The following GRIP1 variants were observed in gnomAD, a reference collection of about 807,000 sequenced individuals.
The protein encoded by GRIP1 is glutamate receptor interacting protein 1.
A neutral mutation model predicts 129.9 loss-of-function variants in GRIP1; 45 were observed. That is an observed-to-expected ratio of 0.35 (90% CI 0.27 to 0.44). The LOEUF (loss-of-function observed/expected upper bound fraction) is 0.44. Among genes scored for constraint, GRIP1 ranks in the 20% least tolerant of loss-of-function variants. The pLI, the probability that GRIP1 is intolerant of heterozygous loss-of-function variation, is 1.00. For missense variants in GRIP1, 1,196 were observed against 1,396.8 expected, an observed-to-expected ratio of 0.86 and a Z score of 2.29; for synonymous variants, 530 against 520.8, an observed-to-expected ratio of 1.02 and a Z score of -0.24.
At chr12:66,599,870 G>C (rs1175948296) in intron 1 of GRIP1, among the ~76,000 whole-genome samples, 1 of 152,162 alleles carries the variant, frequency 6.6e-6, no homozygotes. Flanking sequence ...ATTGAGTCTA[G>C]ATGAAATTTC....
chr12:66,649,280 T>G (rs2032611851), intron 1 of GRIP1, among the ~76,000 whole-genome samples: 1 of 152,220 alleles, frequency 6.6e-6, no homozygotes, highest in South Asian at 2.1e-4. Flanking sequence ...GGCAACCCAC[T>G]TCCTGAAGAA....
chr12:66,473,135 G>C (rs1033876374), intron 7 of GRIP1, among the ~76,000 whole-genome samples: 2 of 152,136 alleles, frequency 1.3e-5, no homozygotes, highest in African/African-American at 2.4e-5. Flanking sequence ...CTGAAGTTTG[G>C]TGGGGGGAGG....
At chr12:66,467,295 A>G (rs1444572091) in intron 7 of GRIP1, among the ~76,000 whole-genome samples, 2 of 152,132 alleles carry the variant, frequency 1.3e-5, no homozygotes, top group Non-Finnish European at 2.9e-5. Flanking sequence ...ACTATGGTGG[A>G]TGCTACTCTC....
intron 1 of GRIP1, among the ~76,000 whole-genome samples, chr12:66,716,233 A>AT (rs1326037595): frequency 3.3e-5 from 5 of 151,948 alleles, no homozygotes; most frequent in Non-Finnish European, 7.4e-5. Flanking sequence ...TTTAATTTGC[A>AT]TTTTTTCCTT....
At chr12:66,860,495 T>G (rs2040093172) in intron 1 of GRIP1, among the ~76,000 whole-genome samples, 1 of 152,072 alleles carries the variant, frequency 6.6e-6, no homozygotes, top group Admixed American at 6.6e-5. Flanking sequence ...CTCTTCACAT[T>G]TGAAAGGAAA....
chr12:67,044,300 T>C (rs373965050), intron 1 of GRIP1, among the ~76,000 whole-genome samples: 4 of 152,198 alleles, frequency 2.6e-5, no homozygotes, highest in South Asian at 2.1e-4. Flanking sequence ...AAATTTAATA[T>C]GCGAATTGCT....
intron 1 of GRIP1, among the ~76,000 whole-genome samples, chr12:67,051,399 C>T (rs1035668976): frequency 6.6e-6 from 1 of 152,152 alleles, no homozygotes. Flanking sequence ...AATTAACTAG[C>T]ACCATGTTCC....
chr12:67,020,400 C>T (rs993585253), intron 1 of GRIP1, among the ~76,000 whole-genome samples: 15 of 152,168 alleles, frequency 9.9e-5, no homozygotes, highest in African/African-American at 3.6e-4. Context: ...GAAAAACAGA[C>T]ACTTAAGCAC....
chr12:66,754,909 A>G (rs528294989), intron 1 of GRIP1, among the ~76,000 whole-genome samples: 2 of 152,284 alleles, frequency 1.3e-5, no homozygotes, highest in Non-Finnish European at 2.9e-5. Flanking sequence ...AATTGATCAG[A>G]AGGCAATGAT....
intron 7 of GRIP1, among the ~76,000 whole-genome samples, chr12:66,480,018 G>T (rs945583325): frequency 6.6e-6 from 1 of 152,132 alleles, no homozygotes; most frequent in African/African-American, 2.4e-5. Flanking sequence ...ACAAGACAAG[G>T]ATGCCCTCTC....
intron 1 of GRIP1, among the ~76,000 whole-genome samples, chr12:66,949,202 G>A (rs1384024118): frequency 2.0e-5 from 3 of 152,058 alleles, no homozygotes; most frequent in Non-Finnish European, 4.4e-5. Context: ...ACATAATTAT[G>A]GGAATCCTAT....
intron 1 of GRIP1, among the ~76,000 whole-genome samples, chr12:66,790,485 A>C (rs1252512365): frequency 6.6e-6 from 1 of 152,186 alleles, no homozygotes; most frequent in Non-Finnish European, 1.5e-5. Flanking sequence ...TTGGTGTGAA[A>C]TAAAATAAAA....
At chr12:66,959,740 T>C (rs1160085688) in intron 1 of GRIP1, among the ~76,000 whole-genome samples, 1 of 152,182 alleles carries the variant, frequency 6.6e-6, no homozygotes, top group Non-Finnish European at 1.5e-5. Flanking sequence ...GTTTAATTTT[T>C]AATTTTTTTA....
At chr12:66,848,549 T>C (rs1319492389) in intron 1 of GRIP1, among the ~76,000 whole-genome samples, 1 of 152,096 alleles carries the variant, frequency 6.6e-6, no homozygotes, top group Non-Finnish European at 1.5e-5. Context: ...ATAACCTGAA[T>C]TCATGGGTCA....
chr12:66,580,868 G>A (rs1187270044), intron 2 of GRIP1, among the ~76,000 whole-genome samples: 2 of 151,774 alleles, frequency 1.3e-5, no homozygotes, highest in Non-Finnish European at 1.5e-5. Context: ...AAGTCAACAA[G>A]GATACCCAGG....
intron 1 of GRIP1, among the ~76,000 whole-genome samples, chr12:67,042,667 G>C (rs188628925): frequency 1.4e-3 from 207 of 152,284 alleles, no homozygotes; most frequent in Middle Eastern, 3.4e-3. Context: ...GAGAGGGCCA[G>C]GTTGCCAGTC....
intron 1 of GRIP1, among the ~76,000 whole-genome samples, chr12:66,889,496 T>C (rs1268892631): frequency 1.3e-5 from 2 of 152,120 alleles, no homozygotes; most frequent in Non-Finnish European, 2.9e-5. Flanking sequence ...TCAAAGACTT[T>C]TGGAGAACTA....
intron 24 of GRIP1, among the ~76,000 whole-genome samples, chr12:66,352,482 C>T (rs548720065): frequency 6.6e-6 from 1 of 152,280 alleles, no homozygotes; most frequent in South Asian, 2.1e-4. Context: ...CCTATAATCC[C>T]AGCACTTTGG....
intron 1 of GRIP1, among the ~76,000 whole-genome samples, chr12:66,998,736 C>T (rs1320434329): frequency 6.6e-6 from 1 of 152,116 alleles, no homozygotes; most frequent in Non-Finnish European, 1.5e-5. Flanking sequence ...AGTTAAGAGT[C>T]TCAACTTCTA....
Sources: gnomAD v4.1 joint callset for allele counts (sites outside exome capture counted in the v4.1 genomes callset) on GRCh38, gnomAD v4.1.1 for gene constraint, MANE v1.5 for transcripts, NCBI Gene and HGNC (gene_info 2026-07-23, HGNC 2026-07-21) for gene names.